Variants in HS1BP3 observed in about 807,000 individuals in gnomAD.
HS1BP3 encodes HCLS1 binding protein 3, also known as HCLS1-binding protein 3.
HS1BP3 carries 32 observed loss-of-function variants against 33.5 expected under a neutral mutation model. That is an observed-to-expected ratio of 0.95 (90% confidence interval 0.72 to 1.28). HS1BP3 has a LOEUF of 1.28. HS1BP3 is among the 50% of genes most tolerant of loss of function. The pLI is 0.00. For missense variants in HS1BP3, 486 were observed against 502.3 expected (o/e 0.97, Z 0.31); for synonymous variants, 187 against 209.2 (o/e 0.89, Z 0.92).
chr2:20,596,730 C>T (rs193060484), intron 3 of HS1BP3, among the ~76,000 whole-genome samples: 2 of 152,344 alleles, frequency 1.3e-5, no homozygotes, highest in East Asian at 1.9e-4. Context: ...CCTTTCTGTG[C>T]TGTACTCTGT....
At chr2:20,561,022 A>C (rs1287793187) in intron 5 of HS1BP3, among the ~76,000 whole-genome samples, 1 of 152,170 alleles carries the variant, frequency 6.6e-6, no homozygotes, top group Non-Finnish European at 1.5e-5. Context: ...AGCAGCCAGT[A>C]CACCCTACCC....
intron 4 of HS1BP3, among the ~76,000 whole-genome samples, chr2:20,630,925 T>C (rs1363004514): frequency 1.3e-5 from 2 of 152,080 alleles, no homozygotes; most frequent in Admixed American, 6.6e-5. Context: ...CCACCTCCAG[T>C]GGGGCCTGGG....
chr2:20,590,847 A>T (rs1426163602), downstream of HS1BP3: 1 of 167,466 alleles, frequency 6.0e-6, no homozygotes, highest in Admixed American at 6.5e-5. Context: ...GCTCAAAGAG[A>T]TGGACCTCCT....
intron 5 of HS1BP3, among the ~76,000 whole-genome samples, chr2:20,561,246 G>A (rs1692986486): frequency 6.6e-6 from 1 of 152,184 alleles, no homozygotes; most frequent in African/African-American, 2.4e-5. Flanking sequence ...CTCAGAGCTG[G>A]CACATGGGAT....
chr2:20,613,130 T>C (rs541487429), downstream of HS1BP3, among the ~76,000 whole-genome samples: 1 of 152,346 alleles, frequency 6.6e-6, no homozygotes, highest in Admixed American at 6.5e-5. Context: ...GCTGTTCTAC[T>C]TTCTAATCCA....
chr2:20,638,437 G>A lies in HS1BP3; in HGVS notation c.622C>T (p.Arg208Cys), dbSNP rs761333899. ...CCCTCTCAACAACAGGAGACCAACC[G>A]CATAATGCCCAGAGGGTCCAGCGCC... is the stretch of plus-strand genomic sequence containing the variant. ...EEALDPLGIM[R>C]SKKPKKHPKV... The change falls in exon 4 of 7, where the codon CGC (arginine) becomes TGC (cysteine). Residue 208 changes from arginine to cysteine, a missense_variant and splice_region_variant. Transcript: ENST00000304031. 1.4e-5 allele frequency: 23 copies of A among 1,613,622 alleles called. No individual in the cohort carries two copies. The highest frequency in any genetic ancestry group is 2.7e-5 in the African/African-American group (2 of 74,932).
At chr2:20,559,693 T>C (rs949064102), downstream of HS1BP3, among the ~76,000 whole-genome samples, 3 of 141,130 alleles carry the variant, frequency 2.1e-5, no homozygotes, top group South Asian at 2.4e-4. Flanking sequence ...GATGGGTAGA[T>C]GGACGGGTGG....
chr2:20,581,806 A>G (rs894675683), intron 5 of HS1BP3, among the ~76,000 whole-genome samples: 1 of 152,168 alleles, frequency 6.6e-6, no homozygotes, highest in Non-Finnish European at 1.5e-5. Context: ...GTTTCCACCT[A>G]TGCACTACCT....
downstream of HS1BP3, among the ~76,000 whole-genome samples, chr2:20,557,800 C>A (rs13406833): frequency 0.037 from 5,705 of 152,250 alleles, 355 homozygotes; most frequent in African/African-American, 0.13. Context: ...TTCAGGAATG[C>A]AGAACCCTGC....
At chr2:20,588,293 T>A (rs16987857), downstream of HS1BP3, among the ~76,000 whole-genome samples, 12,538 of 152,272 alleles carry the variant, frequency 0.082, 545 homozygotes, top group South Asian at 0.18. Context: ...TACATGCTTT[T>A]ATCTCATACC....
At chr2:20,555,935 T>A (rs1219497871), downstream of HS1BP3, among the ~76,000 whole-genome samples, 1 of 152,142 alleles carries the variant, frequency 6.6e-6, no homozygotes, top group South Asian at 2.1e-4. Context: ...CCCTTCCCCT[T>A]CCCTCAGTTC....
At chr2:20,625,988 T>A (rs368036831) in intron 4 of HS1BP3, among the ~76,000 whole-genome samples, 1 of 152,202 alleles carries the variant, frequency 6.6e-6, no homozygotes, top group Non-Finnish European at 1.5e-5. Context: ...AATGAGAATA[T>A]GCTCTTTACT....
Position 20,638,464 on chromosome 2 carries a change from C to A in HS1BP3, c.595G>T (p.Glu199Ter), listed in dbSNP as rs1399845567. 2 of 1,614,014 alleles carry A rather than the reference C, an allele frequency of 1.2e-6. No homozygotes were observed. The highest frequency in any genetic ancestry group is 1.7e-5 in the Admixed American group (1 of 60,014). Residue 199 changes from glutamate (E) to a stop codon, truncating the protein, a stop_gained, in exon 4 of 7, where the codon GAG (glutamate) becomes TAG (stop). Transcript: ENST00000304031. LOFTEE classifies it high-confidence loss of function. ...EDAEESLEEE[E>*]ALDPLGIMRS... ...ATAATGCCCAGAGGGTCCAGCGCCT[C>A]CTCCTCCTCCAAGGATTCCTCAGCA...
At chr2:20,640,715 C>T (rs1572359688) in intron 3 of HS1BP3, 2 of 595,712 alleles carry the variant, frequency 3.4e-6, no homozygotes, top group East Asian at 5.5e-5. Flanking sequence ...GCCAGGAAGG[C>T]CATGGATGGG....
chr2:20,574,833 G>C (rs748177664), intron 5 of HS1BP3, among the ~76,000 whole-genome samples: 1 of 152,178 alleles, frequency 6.6e-6, no homozygotes, highest in African/African-American at 2.4e-5. Context: ...CCACTGAACT[G>C]AGCTAGGAGA....
At chr2:20,598,861 ACTT>A (rs1378287802) in intron 2 of HS1BP3, among the ~76,000 whole-genome samples, 1 of 152,124 alleles carries the variant, frequency 6.6e-6, no homozygotes, top group African/African-American at 2.4e-5. Context: ...CCCGGCCGGT[ACTT>A]CTTTGAATAT....
intron 4 of HS1BP3, among the ~76,000 whole-genome samples, chr2:20,633,791 G>T (rs1245951586): frequency 6.6e-6 from 1 of 152,340 alleles, no homozygotes; most frequent in East Asian, 1.9e-4. Context: ...CCAGAGTGCT[G>T]GGATTACAGG....
intron 1 of HS1BP3, among the ~76,000 whole-genome samples, chr2:20,648,457 TGG>T (rs1695584214): frequency 4.6e-5 from 7 of 152,306 alleles, no homozygotes; most frequent in Non-Finnish European, 1.0e-4. Context: ...TCAGCAGCAG[TGG>T]GCACAGTCAG....
rs140234046 is a variant in HS1BP3 at position 20,641,022 on chromosome 2, G to C, written c.357C>G (p.Val119=). Residue 119 remains valine, a synonymous_variant, in exon 3 of 7, where the codon GTC becomes GTG. Transcript: ENST00000304031. ...TGCCTGCCAACTCGGCATCCTTGGA[G>C]ACACAGCGCAGGATCTCATTGAACA... The part of the protein sequence containing the change: ...RAVFNEILRC[V]SKDAELAGSP... The C allele has an allele frequency of 9.9e-6, 16 of 1,614,064 alleles. No homozygotes were observed. In the African/African-American group the frequency reaches 2.0e-4, roughly 20 times the overall value.
Sources: allele counts gnomAD v4.1 joint callset (sites outside exome capture counted in the v4.1 genomes callset), GRCh38; gene constraint gnomAD v4.1.1; transcripts MANE v1.5; gene names NCBI Gene and HGNC (gene_info 2026-07-23, HGNC 2026-07-21).